Variants in GRM8 observed in about 807,000 individuals in gnomAD.
The protein encoded by GRM8 is metabotropic glutamate receptor 8.
GRM8 carries 47 observed loss-of-function variants against 87.2 expected under a neutral mutation model. The ratio of observed to expected loss-of-function variants is 0.54; its 90% CI spans 0.43 to 0.69. GRM8 has a LOEUF of 0.69. Among genes scored for constraint, GRM8 ranks in the 30% least tolerant of loss-of-function variants. The probability of loss-of-function intolerance (pLI) is 0.00; values close to 1 mark genes in which losing one functional copy is unlikely to be tolerated. For missense variants in GRM8, 1,019 were observed against 1,139.2 expected (o/e 0.89, Z 1.52); for synonymous variants, 396 against 404.5 (o/e 0.98, Z 0.25).
chr7:127,141,975 C>CTGTTTT (rs886194886), intron 2 of GRM8, among the ~76,000 whole-genome samples: 4 of 152,018 alleles, frequency 2.6e-5, no homozygotes, highest in South Asian at 4.2e-4. Flanking sequence ...GTTGACTTGT[C>CTGTTTT]TGTTTTTGTT....
chr7:127,071,869 A>G lies in GRM8; in HGVS notation c.727+34627T>C, dbSNP rs564203398. Among the ~76,000 whole-genome samples, 12 of 152,088 alleles carry G rather than the reference A, an allele frequency of 7.9e-5. No homozygotes were observed. The East Asian group carries it at 2.1e-3, about 27-fold the overall frequency. ...AAACTGAATATCAGACCCCCAACTG[A>G]AATTCAGTATGGTAAAAATAGAAAT... On this transcript the variant is annotated intron_variant, in intron 3 of 10. Transcript: ENST00000339582.
At chr7:126,508,200 CT>C (rs771626292) in intron 9 of GRM8, among the ~76,000 whole-genome samples, 5 of 151,600 alleles carry the variant, frequency 3.3e-5, no homozygotes, top group African/African-American at 4.8e-5. Flanking sequence ...TTTTGTGTTG[CT>C]ATAATAGAAT....
chr7:127,172,384 A>G (rs1793859537), intron 2 of GRM8, among the ~76,000 whole-genome samples: 1 of 152,096 alleles, frequency 6.6e-6, no homozygotes, highest in East Asian at 1.9e-4. Context: ...TAAAAGCATA[A>G]TTATATATAT....
chr7:127,042,932 C>T (rs1818569201), intron 3 of GRM8, among the ~76,000 whole-genome samples: 1 of 152,054 alleles, frequency 6.6e-6, no homozygotes, highest in South Asian at 2.1e-4. Flanking sequence ...AAACAAACAA[C>T]CCCATCAAAA....
chr7:126,642,983 C>A (rs969448496), intron 7 of GRM8, among the ~76,000 whole-genome samples: 1 of 151,978 alleles, frequency 6.6e-6, no homozygotes, highest in Non-Finnish European at 1.5e-5. Flanking sequence ...TGTTAACTAT[C>A]ATTGTTAGTA....
intron 7 of GRM8, among the ~76,000 whole-genome samples, chr7:126,665,016 C>T (rs1805610157): frequency 6.6e-6 from 1 of 152,224 alleles, no homozygotes; most frequent in South Asian, 2.1e-4. Context: ...TGGAAAAATG[C>T]TCAACATCAT....
chr7:126,446,928 T>G (rs1310785004), intron 9 of GRM8, among the ~76,000 whole-genome samples: 1 of 151,978 alleles, frequency 6.6e-6, no homozygotes, highest in Non-Finnish European at 1.5e-5. Context: ...TTGATTTTTT[T>G]TAACAGTCCC....
At position 126,462,156 on chromosome 7, in the gene GRM8, T is replaced by C. The variant is rs186730870; in HGVS notation, c.2431-15784A>G. Among the ~76,000 whole-genome samples the C allele has an allele frequency of 3.4e-3, 511 of 151,748 alleles. 3 individuals are homozygous for C. The highest frequency in any genetic ancestry group is 0.012 in the African/African-American group (487 of 41,482). ...ATTTTAAAACTGAGGCTGTTAAGTT[T>C]TACCACACTTTACTGTGACAGAATG... On this transcript the variant is annotated intron_variant, in intron 9 of 10. Transcript: ENST00000339582.
At chr7:126,820,538 C>T (rs1297597237) in intron 6 of GRM8, among the ~76,000 whole-genome samples, 1 of 152,174 alleles carries the variant, frequency 6.6e-6, no homozygotes, top group East Asian at 1.9e-4. Context: ...CTGACAAAAA[C>T]TGAACCTTGG....
At chr7:126,936,579 AG>A (rs1238004642) in intron 3 of GRM8, among the ~76,000 whole-genome samples, 2 of 152,194 alleles carry the variant, frequency 1.3e-5, no homozygotes, top group African/African-American at 4.8e-5. Flanking sequence ...GAGTGGTTAA[AG>A]GACTAAGTCT....
At chr7:126,490,512 G>A (rs1431541481) in intron 9 of GRM8, among the ~76,000 whole-genome samples, 1 of 152,036 alleles carries the variant, frequency 6.6e-6, no homozygotes, top group African/African-American at 2.4e-5. Context: ...TAGGTTAGAA[G>A]AAATAGATCC....
intron 3 of GRM8, among the ~76,000 whole-genome samples, chr7:127,054,881 T>C (rs1819831814): frequency 6.7e-6 from 1 of 149,766 alleles, no homozygotes; most frequent in South Asian, 2.1e-4. Flanking sequence ...AAAATAATAA[T>C]TCTCAAGTGC....
At chr7:126,698,968 G>A (rs1368674429) in intron 7 of GRM8, among the ~76,000 whole-genome samples, 2 of 152,118 alleles carry the variant, frequency 1.3e-5, no homozygotes, top group African/African-American at 4.8e-5. Flanking sequence ...CACTTTCTCT[G>A]TAAAGGTAAA....
At chr7:126,943,955 A>G (rs1327630257) in intron 3 of GRM8, among the ~76,000 whole-genome samples, 1 of 152,258 alleles carries the variant, frequency 6.6e-6, no homozygotes, top group Non-Finnish European at 1.5e-5. Context: ...GTTTAAATAT[A>G]AAATGCCTGA....
intron 8 of GRM8, among the ~76,000 whole-genome samples, chr7:126,583,005 C>T (rs1416591885): frequency 1.3e-5 from 2 of 152,120 alleles, no homozygotes; most frequent in African/African-American, 4.8e-5. Context: ...ATACAACATC[C>T]AATCTGTAGG....
chr7:126,634,233 T>C (rs942189876), intron 7 of GRM8, among the ~76,000 whole-genome samples: 2 of 152,170 alleles, frequency 1.3e-5, no homozygotes, highest in Non-Finnish European at 2.9e-5. Flanking sequence ...TTTAGATGTA[T>C]CTGCAAAAAT....
At chr7:126,913,390 T>G (rs996932023) in intron 3 of GRM8, among the ~76,000 whole-genome samples, 1 of 152,214 alleles carries the variant, frequency 6.6e-6, no homozygotes, top group Non-Finnish European at 1.5e-5. Flanking sequence ...TATCAGTTGT[T>G]AAAGAGAATG....
intron 3 of GRM8, among the ~76,000 whole-genome samples, chr7:126,958,618 A>G (rs972503622): frequency 1.3e-5 from 2 of 152,106 alleles, no homozygotes; most frequent in Admixed American, 1.3e-4. Context: ...TGGGATCCAG[A>G]CTGGTAGCGT....
chr7:126,509,214 T>C (rs192410125), intron 9 of GRM8, among the ~76,000 whole-genome samples: 1 of 152,178 alleles, frequency 6.6e-6, no homozygotes, highest in Non-Finnish European at 1.5e-5. Flanking sequence ...ATTTTCAATA[T>C]GGTTAAAATA....
Sources: gnomAD v4.1 joint callset for allele counts (sites outside exome capture counted in the v4.1 genomes callset) on GRCh38, gnomAD v4.1.1 for gene constraint, MANE v1.5 for transcripts, NCBI Gene and HGNC (gene_info 2026-07-23, HGNC 2026-07-21) for gene names.